TSSK1B: variants seen among roughly 807,000 people sequenced by gnomAD.
The protein encoded by TSSK1B is testis-specific serine/threonine-protein kinase 1.
In TSSK1B, 2 loss-of-function variants were observed where a neutral mutation model predicts 4.0. That is an observed-to-expected ratio of 0.50 (90% CI 0.20 to 1.57). The LOEUF is 1.57. Ranked by LOEUF, TSSK1B falls within the 40% of genes most tolerant of loss-of-function variation. The probability of loss-of-function intolerance (pLI) is 0.22; values close to 1 mark genes in which losing one functional copy is unlikely to be tolerated. For synonymous variants in TSSK1B, 198 were observed against 200.7 expected, an observed-to-expected ratio of 0.99 and a Z score of 0.11; for missense variants, 488 against 495.1, an observed-to-expected ratio of 0.99 and a Z score of 0.14.
chr5:113,434,051 G>T lies in TSSK1B; in HGVS notation c.789C>A (p.Ile263=). The T allele has an allele frequency of 6.2e-7, 1 of 1,614,086 alleles. No homozygotes were observed. Among genetic ancestry groups the T allele is most frequent in the South Asian group, 1.1e-5 (1 of 91,086 alleles). Reference sequence around the variant, plus strand: ...TCCAGCAGTGGCTGAGGATCTCGTCGATGTGGAGCCGCCGGTTGACGTCGG... The same window carrying T: ...TCCAGCAGTGGCTGAGGATCTCGTCTATGTGGAGCCGCCGGTTGACGTCGG... ...LQPDVNRRLH[I]DEILSHCWMQ... is the part of the protein sequence containing the mutation. The change falls in exon 1 of 1, where the codon ATC becomes ATA. Residue 263 remains isoleucine, a synonymous_variant. Transcript: ENST00000390666. The surrounding 1 kb of genome is among the most constrained non-coding windows in gnomAD (Gnocchi z 4.2).
In TSSK1B at chr5:113,433,959, G is replaced by T. The variant is rs754249824; in HGVS notation, c.881C>A (p.Thr294Asn). ...INKEGESSRG[T>N]EPLWTPEPGS... The stretch of plus-strand genomic sequence containing the variant: ...AGGTTCGGGGGTCCACAAGGGTTCA[G>T]TTCCCCGGGAACTCTCCCCCTCCTT... Residue 294 changes from threonine (T) to asparagine (N), a missense_variant, in exon 1 of 1, where the codon ACT becomes AAT. Physicochemically the swap from Thr to Asn is moderately conservative, Grantham distance 65. Coordinates refer to ENST00000390666, the MANE Select transcript of TSSK1B (RefSeq NM_032028.4). 6.2e-7 allele frequency: 1 copy of T among 1,614,018 alleles called. No individual in the cohort carries two copies. The highest frequency in any genetic ancestry group is 1.1e-5 in the South Asian group (1 of 91,082).
chr5:113,433,381 C>A lies in TSSK1B; in HGVS notation c.*355G>T. ...CGATGAAAGGAGGATAAATGGTGCC[C>A]AAGGTGGACAGCGGTGCCTTCCTGC... On this transcript the variant is annotated 3_prime_UTR_variant, in exon 1 of 1. Coordinates refer to ENST00000390666, the MANE Select transcript of TSSK1B (RefSeq NM_032028.4). The A allele has an allele frequency of 2.0e-6, 1 of 499,120 alleles. No homozygotes were observed. The highest frequency in any genetic ancestry group is 2.0e-5 in the African/African-American group (1 of 51,248). The allele number at this position is 499,120 out of a possible 1,614,324, so 30.9% of individuals were successfully genotyped here.
rs1770735545 is a variant in TSSK1B, at chr5:113,433,591, T to A, written c.*145A>T. 2.8e-6 allele frequency: 3 copies of A among 1,083,206 alleles called. No individual in the cohort carries two copies. Among genetic ancestry groups the A allele is most frequent in the Non-Finnish European group, 3.9e-6 (3 of 769,260 alleles). The allele number at this position is 1,083,206 out of a possible 1,614,324, so 67.1% of individuals were successfully genotyped here. A position where few individuals can be genotyped will look rare whatever the true frequency, so the allele number is the denominator to read the frequency against. ...GGGGCCACGGGAGAACCATGTGGGT[T>A]ACCAAGTTCAAGGGGAGAGAGAAGA... On this transcript the variant is annotated 3_prime_UTR_variant, in exon 1 of 1. Transcript: ENST00000390666.
In TSSK1B at chr5:113,434,552, G is replaced by A. The variant is rs371096755; in HGVS notation, c.288C>T (p.Gly96=). ...VYIVMELAVQ[G]DLLELIKTRG... Reference sequence around the variant, plus strand: ...GGGTTTTGATTAACTCGAGGAGGTCGCCCTGGACCGCGAGCTCCATGACGA... The same window carrying A: ...GGGTTTTGATTAACTCGAGGAGGTCACCCTGGACCGCGAGCTCCATGACGA... The change falls in exon 1 of 1, where the codon GGC becomes GGT. Residue 96 remains glycine (G), a synonymous_variant. Transcript: ENST00000390666. This position sits in a 1 kb window ranked among gnomAD's most constrained non-coding sequence, Gnocchi z 4.2. The A allele has an allele frequency of 6.2e-6, 10 of 1,613,436 alleles. No homozygotes were observed. The highest frequency in any genetic ancestry group is 4.4e-5 in the South Asian group (4 of 91,052).
chr5:113,433,830 C>T lies in TSSK1B; in HGVS notation c.1010G>A (p.Arg337Lys). Residue 337 changes from arginine (R) to lysine (K), a missense_variant, in exon 1 of 1, where the codon AGG (arginine) becomes AAG (lysine). Transcript: ENST00000390666. ...KPEGTAMQMS[R>K]QSEILGFPSK... ...GGGGAAACCCAGGATCTCCGACTGC[C>T]TGGACATTTGCATTGCTGTCCCCTC... The T allele has an allele frequency of 6.2e-7, 1 of 1,613,910 alleles. No homozygotes were observed. The highest frequency in any genetic ancestry group is 2.2e-5 in the East Asian group (1 of 44,892).
chr5:113,433,648 G>A lies in TSSK1B; in HGVS notation c.*88C>T. The A allele has an allele frequency of 1.4e-6, 2 of 1,451,120 alleles. No homozygotes were observed. The highest frequency in any genetic ancestry group is 1.9e-6 in the Non-Finnish European group (2 of 1,080,886). The allele number at this position is 1,451,120 out of a possible 1,614,324, so 89.9% of individuals were successfully genotyped here. On this transcript the variant is annotated 3_prime_UTR_variant, in exon 1 of 1. Transcript: ENST00000390666. ...TGAAAATAGAGGCTCATCTGGGACTGCCTTCCTTCTCTGGCTCCACCCTTG... is the reference window on the plus strand; with the variant it reads ...TGAAAATAGAGGCTCATCTGGGACTACCTTCCTTCTCTGGCTCCACCCTTG...
rs1770740221 is a variant in TSSK1B at position 113,433,667 on chromosome 5, AC to A, written c.*68del. On this transcript the variant is annotated 3_prime_UTR_variant, in exon 1 of 1. Transcript: ENST00000390666. ...GGGACTGCCTTCCTTCTCTGGCTCC[AC>A]CCTTGACTTCTTCAGAGCTTGGGCT... is the stretch of plus-strand genomic sequence containing the variant. 6.6e-6 allele frequency: 10 copies of A among 1,523,442 alleles called. No individual in the cohort carries two copies. The highest frequency in any genetic ancestry group is 8.8e-6 in the Non-Finnish European group (10 of 1,133,738). 94.4% of individuals were successfully genotyped at this position (1,523,442 alleles called of 1,614,324 possible).
At position 113,433,844 on chromosome 5, in the gene TSSK1B, T is replaced by C. The variant is rs41459745; in HGVS notation, c.996A>G (p.Ala332=). The C allele has an allele frequency of 0.029, 47,466 of 1,613,972 alleles. 922 individuals are homozygous for C. The highest frequency in any genetic ancestry group is 0.069 in the East Asian group (3,086 of 44,876). ...AQPETKPEGT[A]MQMSRQSEIL... ...TCTCCGACTGCCTGGACATTTGCAT[T>C]GCTGTCCCCTCGGGTTTTGTCTCAG... The change falls in exon 1 of 1, where the codon GCA becomes GCG. Residue 332 remains alanine (A), a synonymous_variant. Coordinates refer to ENST00000390666, the MANE Select transcript of TSSK1B (RefSeq NM_032028.4).
Position 113,433,984 on chromosome 5 carries a change from T to A in TSSK1B, c.856A>T (p.Lys286Ter). The A allele has an allele frequency of 6.2e-7, 1 of 1,613,944 alleles. No individual in the cohort carries two copies. The highest frequency in any genetic ancestry group is 8.5e-7 in the Non-Finnish European group (1 of 1,179,854). ...ARGSPSVAIN[K>*]EGESSRGTEP... The stretch of plus-strand genomic sequence containing the variant: ...GTTCCCCGGGAACTCTCCCCCTCCT[T>A]GTTGATGGCCACAGAGGGAGATCCC... The change falls in exon 1 of 1, where the codon AAG (lysine) becomes TAG (stop). Residue 286 changes from lysine to a stop codon, truncating the protein, a stop_gained. Coordinates refer to ENST00000390666, the MANE Select transcript of TSSK1B (RefSeq NM_032028.4). LOFTEE classifies it low-confidence loss of function (END_TRUNC).
rs548031512 is a variant in TSSK1B at position 113,432,582 on chromosome 5, A to G, written c.*1154T>C. 1.3e-5 allele frequency: 2 copies of G among 152,324 alleles called. No individual in the cohort carries two copies. Among genetic ancestry groups the G allele is most frequent in the African/African-American group, 4.8e-5 (2 of 41,574 alleles). The allele number at this position is 152,324 out of a possible 1,614,324, so 9.4% of individuals were successfully genotyped here. A position where few individuals can be genotyped will look rare whatever the true frequency, so the allele number is the denominator to read the frequency against. On this transcript the variant is annotated 3_prime_UTR_variant, in exon 1 of 1. Coordinates refer to ENST00000390666, the MANE Select transcript of TSSK1B (RefSeq NM_032028.4). The stretch of plus-strand genomic sequence containing the variant: ...GTTGTATTATTCTCATTTTATAGAT[A>G]AAGAAACTGAGACATATAGATTAAC...
rs980382830 is a variant in TSSK1B at position 113,433,315 on chromosome 5, C to T, written c.*421G>A. On this transcript the variant is annotated 3_prime_UTR_variant, in exon 1 of 1. Transcript: ENST00000390666. The stretch of plus-strand genomic sequence containing the variant: ...TGGTCCCCTGACCCTCAGTCTGGCC[C>T]GGTCTGGCCTCCCAGCAGGGTCACG... 3.6e-5 allele frequency: 11 copies of T among 306,158 alleles called. No individual in the cohort carries two copies. Among genetic ancestry groups the T allele is most frequent in the Admixed American group, 8.6e-5 (2 of 23,370 alleles). The allele number at this position is 306,158 out of a possible 1,614,324, so 19.0% of individuals were successfully genotyped here.
Position 113,433,970 on chromosome 5 carries a change from A to G in TSSK1B, c.870T>C (p.Ser290=). 6.2e-7 allele frequency: 1 copy of G among 1,611,610 alleles called. No individual in the cohort carries two copies. The highest frequency in any genetic ancestry group is 1.1e-5 in the South Asian group (1 of 90,938). Residue 290 remains serine (S), a synonymous_variant, in exon 1 of 1, where the codon AGT becomes AGC. Transcript: ENST00000390666. Reference sequence around the variant, plus strand: ...TCCACAAGGGTTCAGTTCCCCGGGAACTCTCCCCCTCCTTGTTGATGGCCA... The same window carrying G: ...TCCACAAGGGTTCAGTTCCCCGGGAGCTCTCCCCCTCCTTGTTGATGGCCA... The part of the protein sequence containing the change: ...PSVAINKEGE[S]SRGTEPLWTP...
Position 113,434,131 on chromosome 5 carries a change from G to C in TSSK1B, c.709C>G (p.Arg237Gly). Residue 237 changes from arginine to glycine, a missense_variant, in exon 1 of 1, where the codon CGC (arginine) becomes GGC (glycine). By Grantham distance (125) the Arg-to-Gly change is moderately radical. Coordinates refer to ENST00000390666, the MANE Select transcript of TSSK1B (RefSeq NM_032028.4). The surrounding 1 kb of genome is among the most constrained non-coding windows in gnomAD (Gnocchi z 4.2). Reference sequence around the variant, plus strand: ...CACTCGCCTGTCAGGTGCTTGGAGCGTGGGAAGTTGACGCGGTGCTCCTTC... The same window carrying C: ...CACTCGCCTGTCAGGTGCTTGGAGCCTGGGAAGTTGACGCGGTGCTCCTTC... ...IQKEHRVNFP[R>G]SKHLTGECKD... The C allele has an allele frequency of 1.9e-6, 3 of 1,614,198 alleles. No homozygotes were observed. The highest frequency in any genetic ancestry group is 1.7e-6 in the Non-Finnish European group (2 of 1,180,022).
rs1484287447 is a variant in TSSK1B, at chr5:113,434,368, A to G, written c.472T>C (p.Ser158Pro). The change falls in exon 1 of 1, where the codon TCC becomes CCC. Residue 158 changes from serine to proline, a missense_variant. By Grantham distance (74) the Ser-to-Pro change is moderately conservative (BLOSUM62 -1). Transcript: ENST00000390666. This position sits in a 1 kb window ranked among gnomAD's most constrained non-coding sequence, Gnocchi z 4.2. ...FNIKLSDFSFSKRCLRDDSGR... is the reference protein window; with the variant it reads ...FNIKLSDFSFPKRCLRDDSGR... ...CTGTCATCCCGCAGGCAGCGCTTGG[A>G]GAAGCTGAAGTCGGACAGCTTGATG... is the stretch of plus-strand genomic sequence containing the variant. 6.2e-7 allele frequency: 1 copy of G among 1,613,690 alleles called. No individual in the cohort carries two copies. The highest frequency in any genetic ancestry group is 2.2e-5 in the East Asian group (1 of 44,830).
chr5:113,433,893 C>T lies in TSSK1B; in HGVS notation c.947G>A (p.Gly316Glu), dbSNP rs781636494. Residue 316 changes from glycine (G) to glutamate (E), a missense_variant, in exon 1 of 1, where the codon GGA (glycine) becomes GAA (glutamate). Gly to Glu is a moderately conservative substitution (Grantham distance 98). Coordinates refer to ENST00000390666, the MANE Select transcript of TSSK1B (RefSeq NM_032028.4). ...KKSATKLEPE[G>E]EAQPQAQPET... ...AGGCTGTGCCTGGGGCTGTGCCTCT[C>T]CCTCAGGCTCCAGCTTGGTGGCAGA... 1.2e-6 allele frequency: 2 copies of T among 1,613,988 alleles called. No individual in the cohort carries two copies. The highest frequency in any genetic ancestry group is 1.7e-6 in the Non-Finnish European group (2 of 1,179,884).
At position 113,433,873 on chromosome 5, in the gene TSSK1B, G is replaced by A; in HGVS notation, c.967C>T (p.Gln323Ter). Residue 323 changes from glutamine (Q) to a stop codon, truncating the protein, a stop_gained, in exon 1 of 1, where the codon CAG becomes TAG. Transcript: ENST00000390666. LOFTEE classifies it low-confidence loss of function (END_TRUNC). ...GTCCCCTCGGGTTTTGTCTCAGGCT[G>A]TGCCTGGGGCTGTGCCTCTCCCTCA... Reference protein sequence around the residue: ...EPEGEAQPQAQPETKPEGTAM... With the variant: ...EPEGEAQPQA The A allele has an allele frequency of 6.2e-7, 1 of 1,613,996 alleles. No individual in the cohort carries two copies. Among genetic ancestry groups the A allele is most frequent in the Non-Finnish European group, 8.5e-7 (1 of 1,179,864 alleles).
Position 113,432,608 on chromosome 5 carries a change from C to G in TSSK1B, c.*1128G>C, listed in dbSNP as rs989090855. The G allele has an allele frequency of 5.3e-5, 8 of 152,246 alleles. No individual in the cohort carries two copies. Among genetic ancestry groups the G allele is most frequent in the Middle Eastern group, 3.4e-3 (1 of 294 alleles). The allele number at this position is 152,246 out of a possible 1,614,324, so 9.4% of individuals were successfully genotyped here. A position where few individuals can be genotyped will look rare whatever the true frequency, so the allele number is the denominator to read the frequency against. On this transcript the variant is annotated 3_prime_UTR_variant, in exon 1 of 1. Transcript: ENST00000390666. ...AAGAAACTGAGACATATAGATTAACCAACTTGCCCAAGATCATTTAGTAGC... is the reference window on the plus strand; with the variant it reads ...AAGAAACTGAGACATATAGATTAACGAACTTGCCCAAGATCATTTAGTAGC...
rs568550401 is a variant in TSSK1B at position 113,434,315 on chromosome 5, G to A, written c.525C>T (p.Phe175=). 4.3e-6 allele frequency: 7 copies of A among 1,614,082 alleles called. No homozygotes were observed. In the East Asian group the frequency reaches 1.6e-4, roughly 36 times the overall value. ...GGGCCGCATACGCTGGTGACCCACA[G>A]AAGGTCTTGCTTAATGCCATTCGAC... ...DSGRMALSKT[F]CGSPAYAAPE... is the part of the protein sequence containing the mutation. The change falls in exon 1 of 1, where the codon TTC becomes TTT. Residue 175 remains phenylalanine, a synonymous_variant. Transcript: ENST00000390666. The surrounding 1 kb of genome is among the most constrained non-coding windows in gnomAD (Gnocchi z 4.2).
rs1266258320 is a variant in TSSK1B, at chr5:113,433,112, C to T, written c.*624G>A. 1 of 157,382 alleles carries T rather than the reference C, an allele frequency of 6.4e-6. No individual in the cohort carries two copies. The highest frequency in any genetic ancestry group is 2.4e-5 in the African/African-American group (1 of 41,486). The allele number at this position is 157,382 out of a possible 1,614,324, so 9.7% of individuals were successfully genotyped here. On this transcript the variant is annotated 3_prime_UTR_variant, in exon 1 of 1. Coordinates refer to ENST00000390666, the MANE Select transcript of TSSK1B (RefSeq NM_032028.4). ...ATTTCTAGCACTTTAAAGCTTAATG[C>T]TTTAAAAGTATGTTTTGAGGCTTCT...
Sources: gnomAD v4.1 joint callset for allele counts on GRCh38, gnomAD v4.1.1 for gene constraint, Gnocchi (gnomAD v3.1) non-coding constraint, MANE v1.5 for transcripts, NCBI Gene and HGNC (gene_info 2026-07-23, HGNC 2026-07-21) for gene names.